ZNF736: variants seen among roughly 807,000 people sequenced by gnomAD.
ZNF736 encodes zinc finger protein 736.
A neutral mutation model predicts 11.7 loss-of-function variants in ZNF736; 6 were observed. The observed-to-expected ratio is 0.51, with a 90% CI of 0.28 to 1.01. The LOEUF (loss-of-function observed/expected upper bound fraction) is 1.01, where lower values mean the gene tolerates loss of function less well. Ranked by LOEUF, ZNF736 falls within the 50% of genes least tolerant of loss-of-function variation. The pLI is 0.09. For missense variants in ZNF736, 444 were observed against 496.0 expected, an observed-to-expected ratio of 0.90 and a Z score of 1.00; for synonymous variants, 139 against 164.7, an observed-to-expected ratio of 0.84 and a Z score of 1.19.
Position 64,354,129 on chromosome 7 carries a change from A to G in ZNF736, c.*4982A>G, listed in dbSNP as rs1250924839. 1 of 152,176 alleles carries G rather than the reference A, an allele frequency of 6.6e-6. No individual in the cohort carries two copies. The highest frequency in any genetic ancestry group is 1.5e-5 in the Non-Finnish European group (1 of 68,020). 9.4% of individuals were successfully genotyped at this position (152,176 alleles called of 1,614,324 possible). On this transcript the variant is annotated 3_prime_UTR_variant, in exon 4 of 4. Coordinates refer to ENST00000423484, the MANE Select transcript of ZNF736 (RefSeq NM_001170905.3). ...TGTTTACTTGTAACTACAGATTATT[A>G]TGATGGTTGTAATGAAGATTATGAG...
intron 1 of ZNF736, among the ~76,000 whole-genome samples, chr7:64,319,658 G>A (rs1320025408): frequency 1.3e-5 from 2 of 150,882 alleles, no homozygotes; most frequent in Admixed American, 1.3e-4. Flanking sequence ...ACCACGCCTG[G>A]CTAATTTTTT....
intron 1 of ZNF736, among the ~76,000 whole-genome samples, chr7:64,323,076 T>C (rs1280389750): frequency 2.6e-5 from 4 of 152,230 alleles, no homozygotes; most frequent in Non-Finnish European, 5.9e-5. Flanking sequence ...ACCACAGTTT[T>C]GCTCTGCTTT....
chr7:64,314,345 C>T (rs1396409284), intron 1 of ZNF736, among the ~76,000 whole-genome samples, 192 bp downstream of exon 1: 1 of 152,156 alleles, frequency 6.6e-6, no homozygotes, highest in African/African-American at 2.4e-5. Context: ...CAAAACGCTA[C>T]GTCTTGTTTT....
chr7:64,337,750 TTTTTGG>T (rs1789276235), intron 3 of ZNF736, among the ~76,000 whole-genome samples: 1 of 85,564 alleles, frequency 1.2e-5, no homozygotes, highest in African/African-American at 3.6e-5. Flanking sequence ...TGTTTTGTTT[TTTTTGG>T]TTTTTTTTTT....
intron 1 of ZNF736, among the ~76,000 whole-genome samples, chr7:64,330,869 C>G (rs1409542559): frequency 6.6e-6 from 1 of 151,014 alleles, no homozygotes; most frequent in South Asian, 2.1e-4. Context: ...AGAATAGGAG[C>G]CTCAGGGCTT....
intron 1 of ZNF736, among the ~76,000 whole-genome samples, chr7:64,330,282 A>G (rs62463906): frequency 0.074 from 11,305 of 151,894 alleles, 597 homozygotes; most frequent in Admixed American, 0.16. Context: ...TCAGCCTCCC[A>G]AGTAGCTGAG....
In ZNF736 at chr7:64,349,044, A is replaced by C; in HGVS notation, c.1181A>C (p.Glu394Ala). Reference sequence around the variant, plus strand: ...AATCATAAGAGAATTCACACTGGAGAGAAACCCTACAAATGTGAAGAATGT... The same window carrying C: ...AATCATAAGAGAATTCACACTGGAGCGAAACCCTACAAATGTGAAGAATGT... ...LTNHKRIHTG[E>A]KPYKCEECGK... Residue 394 changes from glutamate (E) to alanine (A), a missense_variant, in exon 4 of 4, where the codon GAG becomes GCG. Glu to Ala is a moderately radical substitution (Grantham distance 107). Transcript: ENST00000423484. 6.2e-7 allele frequency: 1 copy of C among 1,606,496 alleles called. No homozygotes were observed. Among genetic ancestry groups the C allele is most frequent in the Non-Finnish European group, 8.5e-7 (1 of 1,175,996 alleles).
chr7:64,322,668 CTCTT>C (rs1202127932), intron 1 of ZNF736, among the ~76,000 whole-genome samples: 3 of 152,124 alleles, frequency 2.0e-5, no homozygotes, highest in African/African-American at 4.8e-5. Context: ...GTTACACAGC[CTCTT>C]TGTGTCTCAC....
intron 1 of ZNF736, among the ~76,000 whole-genome samples, chr7:64,323,538 C>A (rs1312797242): frequency 6.6e-6 from 1 of 152,010 alleles, no homozygotes; most frequent in Non-Finnish European, 1.5e-5. Flanking sequence ...AGGTATATAC[C>A]ATGGAATACT....
intron 1 of ZNF736, among the ~76,000 whole-genome samples, chr7:64,316,473 G>T (rs1788919572): frequency 6.6e-6 from 1 of 152,166 alleles, no homozygotes; most frequent in South Asian, 2.1e-4. Context: ...CTCTAGTGAG[G>T]GAGTGTATAA....
At chr7:64,330,275 G>C (rs973196445) in intron 1 of ZNF736, among the ~76,000 whole-genome samples, 4 of 152,060 alleles carry the variant, frequency 2.6e-5, no homozygotes, top group African/African-American at 4.8e-5. Flanking sequence ...TCCTGCCTCA[G>C]CCTCCCAAGT....
In ZNF736 at chr7:64,353,103, T is replaced by G. The variant is rs759679806; in HGVS notation, c.*3956T>G. 6.6e-5 allele frequency: 10 copies of G among 152,348 alleles called. No homozygotes were observed. The highest frequency in any genetic ancestry group is 1.0e-4 in the Non-Finnish European group (7 of 68,052). 9.4% of individuals were successfully genotyped at this position (152,348 alleles called of 1,614,324 possible). On this transcript the variant is annotated 3_prime_UTR_variant, in exon 4 of 4. Transcript: ENST00000423484. ...GTGGCTTATCTGCTGAGACTCCATGTAGCTCTGTGTGTTAAACTGAAGGCC... is the reference window on the plus strand; with the variant it reads ...GTGGCTTATCTGCTGAGACTCCATGGAGCTCTGTGTGTTAAACTGAAGGCC...
chr7:64,344,964 G>A (rs1471910120), intron 3 of ZNF736, among the ~76,000 whole-genome samples: 2 of 148,780 alleles, frequency 1.3e-5, no homozygotes, highest in Non-Finnish European at 3.0e-5. Flanking sequence ...GAGATCTTAT[G>A]TAATTTTGTG....
At chr7:64,316,134 A>G (rs1165991674) in intron 1 of ZNF736, among the ~76,000 whole-genome samples, 1 of 152,178 alleles carries the variant, frequency 6.6e-6, no homozygotes, top group East Asian at 1.9e-4. Context: ...CACAAGGACC[A>G]TATCTCTTGG....
intron 1 of ZNF736, 91 bp from the exon 2 acceptor site, chr7:64,336,168 G>A: frequency 2.1e-6 from 3 of 1,455,618 alleles, no homozygotes; most frequent in Non-Finnish European, 2.8e-6. Flanking sequence ...ACTCATATAA[G>A]TCAGAACCAG....
At chr7:64,329,221 A>T (rs1367758238) in intron 1 of ZNF736, among the ~76,000 whole-genome samples, 1 of 151,894 alleles carries the variant, frequency 6.6e-6, no homozygotes, top group Non-Finnish European at 1.5e-5. Context: ...GAAAGGTTAC[A>T]TATCTCTGTC....
chr7:64,323,001 A>G (rs1171730339), intron 1 of ZNF736, among the ~76,000 whole-genome samples: 2 of 152,194 alleles, frequency 1.3e-5, no homozygotes, highest in Non-Finnish European at 2.9e-5. Flanking sequence ...TACAGTCTTT[A>G]ACCACACTGT....
chr7:64,322,878 A>G (rs954446029), intron 1 of ZNF736, among the ~76,000 whole-genome samples: 1 of 152,188 alleles, frequency 6.6e-6, no homozygotes, highest in Non-Finnish European at 1.5e-5. Context: ...TTAATTCTAT[A>G]AAAAATGTAT....
Position 64,354,341 on chromosome 7 carries a change from G to A in ZNF736, c.*5194G>A, listed in dbSNP as rs1411915579. 6.6e-6 allele frequency: 1 copy of A among 152,078 alleles called. No individual in the cohort carries two copies. Among genetic ancestry groups the A allele is most frequent in the Admixed American group, 6.5e-5 (1 of 15,278 alleles). 9.4% of individuals were successfully genotyped at this position (152,078 alleles called of 1,614,324 possible). ...AAACTTCAGGTGTAACAGATTTATA[G>A]AGAAAGTAATCATATTTGTTTATGG... On this transcript the variant is annotated 3_prime_UTR_variant, in exon 4 of 4. Transcript: ENST00000423484.
Sources: gnomAD v4.1 joint callset for allele counts (sites outside exome capture counted in the v4.1 genomes callset) on GRCh38, gnomAD v4.1.1 for gene constraint, MANE v1.5 for transcripts, NCBI Gene and HGNC (gene_info 2026-07-23, HGNC 2026-07-21) for gene names.